RIBC2: variants seen among roughly 807,000 people sequenced by gnomAD.
The protein encoded by RIBC2 is RIB43A-like with coiled-coils protein 2.
In RIBC2, 40 loss-of-function variants were observed where a neutral mutation model predicts 44.3. The ratio of observed to expected loss-of-function variants is 0.90; its 90% confidence interval spans 0.70 to 1.18. The LOEUF (loss-of-function observed/expected upper bound fraction) is 1.18, where lower values mean the gene tolerates loss of function less well. Among genes scored for constraint, RIBC2 ranks in the 50% most tolerant of loss-of-function variants. The pLI is 0.00. For missense variants in RIBC2, 459 were observed against 485.5 expected, an observed-to-expected ratio of 0.95 and a Z score of 0.51; for synonymous variants, 171 against 175.0, an observed-to-expected ratio of 0.98 and a Z score of 0.18.
At chr22:45,421,298 A>G (rs2087474668) in intron 3 of RIBC2, among the ~76,000 whole-genome samples, 1 of 90,886 alleles carries the variant, frequency 1.1e-5, no homozygotes, top group East Asian at 3.4e-4. Context: ...CATGTCAAAT[A>G]ATAATAATAC....
intron 5 of RIBC2, among the ~76,000 whole-genome samples, chr22:45,430,259 G>A (rs2087567351): frequency 6.6e-6 from 1 of 152,212 alleles, no homozygotes; most frequent in Non-Finnish European, 1.5e-5. Context: ...AAGGGGACTC[G>A]TCTTCAGCCC....
At chr22:45,426,311 C>A in intron 5 of RIBC2, 136 bp downstream of exon 5, 1 of 718,028 alleles carries the variant, frequency 1.4e-6, no homozygotes, top group Middle Eastern at 4.0e-4. Flanking sequence ...CCCTTCTAGT[C>A]GGTGGGAGAC....
rs760817876 is a variant in RIBC2 at position 45,417,799 on chromosome 22, C to A, written c.409C>A (p.Arg137=). The A allele has an allele frequency of 6.2e-7, 1 of 1,614,016 alleles. No homozygotes were observed. ...LPARQSDNDV[R]NTISGMQKFM... ...AGCCCGGCAGTCAGATAATGATGTT[C>A]GGAATACGATATCAGGAATGCAGAA... The change falls in exon 3 of 7, where the codon CGG becomes AGG. Residue 137 remains arginine (R), a synonymous_variant. Transcript: ENST00000614167.
At chr22:45,430,118 T>A (rs930041058) in intron 5 of RIBC2, among the ~76,000 whole-genome samples, 3 of 152,168 alleles carry the variant, frequency 2.0e-5, no homozygotes, top group Non-Finnish European at 4.4e-5. Flanking sequence ...ACTTGCCTCG[T>A]GGGTGACAAA....
chr22:45,421,262 C>T (rs1435457241), intron 3 of RIBC2, among the ~76,000 whole-genome samples: 1 of 150,684 alleles, frequency 6.6e-6, no homozygotes, highest in African/African-American at 2.4e-5. Context: ...CCACTGCACT[C>T]CAGCCTGGGC....
At chr22:45,422,475 A>G (rs2087495734) in intron 4 of RIBC2, 67 bp downstream of exon 4, 3 of 1,143,950 alleles carry the variant, frequency 2.6e-6, no homozygotes, top group Admixed American at 1.7e-5. Context: ...CGGCTTCCCA[A>G]GGCTCTCCGG....
intron 4 of RIBC2, 85 bp downstream of exon 4, chr22:45,422,493 G>T (rs2087496140): frequency 1.0e-6 from 1 of 962,584 alleles, no homozygotes; most frequent in African/African-American, 1.6e-5. Flanking sequence ...CGGCTTCCCT[G>T]GGATCCCAGT....
chr22:45,419,031 A>G (rs997024724), intron 3 of RIBC2, among the ~76,000 whole-genome samples: 17 of 152,052 alleles, frequency 1.1e-4, no homozygotes, highest in African/African-American at 4.1e-4. Flanking sequence ...CTCCCTTCCC[A>G]TCCAGGTCCT....
rs2087387852 is a variant in RIBC2 at position 45,413,823 on chromosome 22, GCTTC to G, written c.-60_-57del. ...AGGAGCCGACCTTGCCTGCGCTACA[GCTTC>G]CTTATTTTCGTCGCCTGTTCTCCTG... On this transcript the variant is annotated 5_prime_UTR_variant, in exon 1 of 7. Transcript: ENST00000614167. The G allele has an allele frequency of 6.7e-7, 1 of 1,491,918 alleles. No homozygotes were observed. Among genetic ancestry groups the G allele is most frequent in the Non-Finnish European group, 9.0e-7 (1 of 1,115,058 alleles). 92.4% of individuals were successfully genotyped at this position (1,491,918 alleles called of 1,614,324 possible). A position where few individuals can be genotyped will look rare whatever the true frequency, so the allele number is the denominator to read the frequency against.
At chr22:45,414,641 T>C (rs1415144448) in intron 2 of RIBC2, among the ~76,000 whole-genome samples, 1 of 152,036 alleles carries the variant, frequency 6.6e-6, no homozygotes, top group Admixed American at 6.6e-5. Flanking sequence ...TACCCAGCCC[T>C]CCTTTCTTCA....
At chr22:45,428,020 CA>C (rs2087549078) in intron 5 of RIBC2, among the ~76,000 whole-genome samples, 1 of 152,202 alleles carries the variant, frequency 6.6e-6, no homozygotes, top group Non-Finnish European at 1.5e-5. Flanking sequence ...TGATAAAGAG[CA>C]AAGGCATCTG....
Position 45,413,782 on chromosome 22 carries a change from T to C in RIBC2, c.-105T>C. 7.0e-7 allele frequency: 1 copy of C among 1,432,546 alleles called. No homozygotes were observed. Among genetic ancestry groups the C allele is most frequent in the East Asian group, 2.5e-5 (1 of 39,914 alleles). 88.7% of individuals were successfully genotyped at this position (1,432,546 alleles called of 1,614,324 possible). A position where few individuals can be genotyped will look rare whatever the true frequency, so the allele number is the denominator to read the frequency against. ...GAAAACTGCGCTAAAGGCTTGTCTT[T>C]CCCCTGCCCGACCGAAGGAGCCGAC... On this transcript the variant is annotated 5_prime_UTR_variant, in exon 1 of 7. Transcript: ENST00000614167.
rs185039340 is a variant in RIBC2, at chr22:45,417,380, T to A, written c.212-222T>A. On this transcript the variant is annotated intron_variant, in intron 2 of 6. Transcript: ENST00000614167. ...ATTACTTTTGCAATCACTGAAAAAA[T>A]TAGTTTTTAAAGTAGATTCATGGGC... Among the ~76,000 whole-genome samples the A allele has an allele frequency of 6.9e-3, 1,048 of 152,234 alleles. 9 individuals carry two copies. Among genetic ancestry groups the A allele is most frequent in the Admixed American group, 9.6e-3 (147 of 15,286 alleles).
At chr22:45,427,499 A>T (rs1201813549) in intron 5 of RIBC2, among the ~76,000 whole-genome samples, 1 of 152,268 alleles carries the variant, frequency 6.6e-6, no homozygotes, top group Non-Finnish European at 1.5e-5. Context: ...AGAAGAACGA[A>T]AAATGGTTAC....
chr22:45,422,431 G>A, intron 4 of RIBC2, 23 bp downstream of exon 4: 1 of 1,556,120 alleles, frequency 6.4e-7, no homozygotes, highest in Non-Finnish European at 8.9e-7. Flanking sequence ...CGCGACCTCG[G>A]GCTCGACGAC....
chr22:45,432,211 C>CAATAA (rs2087586593), intron 6 of RIBC2, 73 bp from the exon 7 acceptor site: 1 of 620,690 alleles, frequency 1.6e-6, no homozygotes, highest in Non-Finnish European at 2.6e-6. Context: ...TGTGCCTTTT[C>CAATAA]AAAAAAAAAA....
intron 3 of RIBC2, among the ~76,000 whole-genome samples, chr22:45,420,762 C>G (rs1316676182): frequency 6.6e-6 from 1 of 152,252 alleles, no homozygotes; most frequent in Non-Finnish European, 1.5e-5. Flanking sequence ...CCGCTTGTCC[C>G]CATCCCTGCT....
intron 3 of RIBC2, 53 bp from the exon 4 acceptor site, chr22:45,422,237 G>A: frequency 7.6e-7 from 1 of 1,322,418 alleles, no homozygotes; most frequent in Non-Finnish European, 1.1e-6. Context: ...GGCCACACGT[G>A]GGAAGGTGCT....
At position 45,431,042 on chromosome 22, in the gene RIBC2, G is replaced by C. The variant is rs924972174; in HGVS notation, c.1046G>C (p.Ser349Thr). The C allele has an allele frequency of 1.0e-5, 16 of 1,579,488 alleles. No homozygotes were observed. In the African/African-American group the frequency reaches 2.0e-4, roughly 20 times the overall value. ...AGAGCTCTGGACAGCAGCAACCTCA[G>C]CCTGGCCAAGGAGCAGCATTTGCAG... ...LRRALDSSNL[S>T]LAKEQHLQKK... The change falls in exon 6 of 7, where the codon AGC becomes ACC. Residue 349 changes from serine (S) to threonine (T), a missense_variant. By Grantham distance (58) the Ser-to-Thr change is moderately conservative. Transcript: ENST00000614167.
Sources: gnomAD v4.1 joint callset for allele counts (sites outside exome capture counted in the v4.1 genomes callset) on GRCh38, gnomAD v4.1.1 for gene constraint, MANE v1.5 for transcripts, NCBI Gene and HGNC (gene_info 2026-07-23, HGNC 2026-07-21) for gene names.